Variants in ZBTB16 observed in about 807,000 individuals in gnomAD.
The protein encoded by ZBTB16 is zinc finger and BTB domain containing 16, also known as zinc finger and BTB domain-containing protein 16.
ZBTB16 carries 8 observed loss-of-function variants against 56.8 expected under a neutral mutation model. The ratio of observed to expected loss-of-function variants is 0.14; its 90% CI spans 0.08 to 0.25. The LOEUF is 0.25. Ranked by LOEUF, ZBTB16 falls within the 10% of genes least tolerant of loss-of-function variation. The pLI, the probability that ZBTB16 is intolerant of heterozygous loss-of-function variation, is 1.00. For missense variants in ZBTB16, 625 were observed against 903.0 expected (o/e 0.69, Z 3.95); for synonymous variants, 363 against 368.5 (o/e 0.98, Z 0.17).
intron 2 of ZBTB16, among the ~76,000 whole-genome samples, chr11:114,108,014 A>G (rs78337677): frequency 0.033 from 5,015 of 151,484 alleles, 164 homozygotes; most frequent in Admixed American, 0.091. Context: ...TATTATTATT[A>G]GTTTGTACTC....
chr11:114,204,450 T>G (rs1943807600), intron 4 of ZBTB16, among the ~76,000 whole-genome samples: 1 of 152,212 alleles, frequency 6.6e-6, no homozygotes. Context: ...TCATTTTTCT[T>G]TTATTCACAA....
chr11:114,072,193 C>T (rs1020641304), intron 2 of ZBTB16, among the ~76,000 whole-genome samples: 1 of 152,352 alleles, frequency 6.6e-6, no homozygotes, highest in Middle Eastern at 3.4e-3. Context: ...GGCGTCAATC[C>T]GTACAGTGCT....
chr11:114,123,468 G>A (rs1410632854), intron 2 of ZBTB16, among the ~76,000 whole-genome samples: 2 of 152,052 alleles, frequency 1.3e-5, no homozygotes, highest in African/African-American at 2.4e-5. Context: ...ATCCATATAC[G>A]AGATGTGTGC....
intron 4 of ZBTB16, chr11:114,187,868 T>C (rs1267511582): frequency 1.3e-5 from 2 of 153,464 alleles, no homozygotes; most frequent in African/African-American, 2.4e-5. Context: ...TAGATTCTCA[T>C]AGGAGCACAA....
intron 3 of ZBTB16, among the ~76,000 whole-genome samples, chr11:114,157,598 T>A (rs1942452973): frequency 6.6e-6 from 1 of 152,198 alleles, no homozygotes; most frequent in East Asian, 1.9e-4. Flanking sequence ...GTCTTTCCCC[T>A]GAGCCCATCA....
intron 2 of ZBTB16, among the ~76,000 whole-genome samples, chr11:114,088,370 CG>C (rs1565618169): frequency 6.6e-6 from 1 of 152,042 alleles, no homozygotes; most frequent in Non-Finnish European, 1.5e-5. Flanking sequence ...CCCAACTCCT[CG>C]CCTCAAGTGA....
intron 4 of ZBTB16, among the ~76,000 whole-genome samples, chr11:114,228,854 G>A (rs1944382153): frequency 6.6e-6 from 1 of 152,182 alleles, no homozygotes; most frequent in African/African-American, 2.4e-5. Context: ...GGTCCTTTGT[G>A]GACACATTTT....
chr11:114,138,685 T>A (rs189641637), intron 2 of ZBTB16, among the ~76,000 whole-genome samples: 7 of 151,530 alleles, frequency 4.6e-5, no homozygotes, highest in East Asian at 1.9e-4. Context: ...AATTTTTTTT[T>A]AAATTATTTT....
chr11:114,077,639 C>G (rs1448315551), intron 2 of ZBTB16, among the ~76,000 whole-genome samples: 1 of 152,154 alleles, frequency 6.6e-6, no homozygotes, highest in Non-Finnish European at 1.5e-5. Context: ...GTTGTGGCCA[C>G]AGAAAGGAGT....
intron 4 of ZBTB16, among the ~76,000 whole-genome samples, chr11:114,197,676 C>T (rs1309513635): frequency 7.9e-6 from 1 of 127,142 alleles, no homozygotes; most frequent in Non-Finnish European, 1.7e-5. Context: ...ATGGTGGGGG[C>T]AGGGGGTGGG....
At chr11:114,244,129 T>C (rs1399448538) in intron 5 of ZBTB16, among the ~76,000 whole-genome samples, 1 of 152,192 alleles carries the variant, frequency 6.6e-6, no homozygotes, top group Non-Finnish European at 1.5e-5. Context: ...GCCCATTTGC[T>C]GCTGGGGCCG....
chr11:114,127,108 A>G (rs537247707), intron 2 of ZBTB16, among the ~76,000 whole-genome samples: 5 of 152,134 alleles, frequency 3.3e-5, no homozygotes, highest in East Asian at 3.9e-4. Flanking sequence ...CAACTCCACT[A>G]TTCCCCTGGA....
chr11:114,195,951 A>G (rs543795598), intron 4 of ZBTB16, among the ~76,000 whole-genome samples: 9 of 152,306 alleles, frequency 5.9e-5, no homozygotes, highest in South Asian at 2.1e-4. Context: ...GACATTTGCA[A>G]TGTGCCCACT....
chr11:114,121,108 A>G (rs993423685), intron 2 of ZBTB16, among the ~76,000 whole-genome samples: 1 of 152,218 alleles, frequency 6.6e-6, no homozygotes, highest in Non-Finnish European at 1.5e-5. Flanking sequence ...TAGGTATCAA[A>G]CTGGGTTTTT....
chr11:114,230,652 A>T (rs1448297992), intron 4 of ZBTB16, among the ~76,000 whole-genome samples: 1 of 143,102 alleles, frequency 7.0e-6, no homozygotes, highest in Non-Finnish European at 1.5e-5. Context: ...CGGGAAGGAG[A>T]GGAGCCATTA....
chr11:114,191,839 A>T (rs533713567), intron 4 of ZBTB16, among the ~76,000 whole-genome samples: 1 of 152,280 alleles, frequency 6.6e-6, no homozygotes, highest in East Asian at 1.9e-4. Flanking sequence ...ACACACACAG[A>T]TGTGCATTTA....
At chr11:114,243,744 G>T (rs1284938894) in intron 5 of ZBTB16, among the ~76,000 whole-genome samples, 3 of 152,174 alleles carry the variant, frequency 2.0e-5, no homozygotes, top group Non-Finnish European at 1.5e-5. Context: ...ATGAAAGATG[G>T]CTAGATACCT....
At position 114,244,084 on chromosome 11, in the gene ZBTB16, A is replaced by C. The variant is rs113895284; in HGVS notation, c.1624+1747A>C. Among the ~76,000 whole-genome samples, 212 of 152,286 alleles carry C rather than the reference A, an allele frequency of 1.4e-3. 1 individual carries two copies. The highest frequency in any genetic ancestry group is 2.6e-3 in the Non-Finnish European group (175 of 68,032). On this transcript the variant is annotated intron_variant, in intron 5 of 6. Transcript: ENST00000335953. ...GCCATATACAGGCTGTGCACACCCC[A>C]CACACAATGCCTCATTAATATTCCG...
intron 3 of ZBTB16, among the ~76,000 whole-genome samples, chr11:114,183,106 G>T (rs1253402220): frequency 2.0e-5 from 3 of 152,192 alleles, no homozygotes; most frequent in African/African-American, 7.2e-5. Context: ...AGAGCTGGGG[G>T]GGAAGTCAGA....
Sources: allele counts gnomAD v4.1 joint callset (sites outside exome capture counted in the v4.1 genomes callset), GRCh38; gene constraint gnomAD v4.1.1; transcripts MANE v1.5; gene names NCBI Gene and HGNC (gene_info 2026-07-23, HGNC 2026-07-21).